ZNF626: variants seen among roughly 807,000 people sequenced by gnomAD.
The protein encoded by ZNF626 is CTC-513N18.7.
Under a neutral mutation model 11.7 loss-of-function variants are expected in ZNF626, and 4 were observed. The ratio of observed to expected loss-of-function variants is 0.34; its 90% CI spans 0.17 to 0.78. The LOEUF is 0.78. Among genes scored for constraint, ZNF626 ranks in the 30% least tolerant of loss-of-function variants. The pLI is 0.57. For missense variants in ZNF626, 588 were observed against 587.1 expected (o/e 1.00, Z -0.01); for synonymous variants, 179 against 198.6 (o/e 0.90, Z 0.83).
At chr19:20,649,976 A>G (rs189401623) in intron 1 of ZNF626, among the ~76,000 whole-genome samples, 2 of 152,356 alleles carry the variant, frequency 1.3e-5, no homozygotes, top group East Asian at 1.9e-4. Context: ...CTGGTTCTTT[A>G]AAGTTTACAG....
intron 1 of ZNF626, among the ~76,000 whole-genome samples, chr19:20,650,600 G>A (rs1555772493): frequency 6.6e-6 from 1 of 152,166 alleles, no homozygotes; most frequent in Non-Finnish European, 1.5e-5. Context: ...AGACTCCAGG[G>A]TAGGGTCAGA....
In ZNF626 at chr19:20,620,261, A is replaced by C. The variant is rs1314157602; in HGVS notation, c.*4029T>G. ...ATTTTATATTAATAAATTCCATACA[A>C]AGCAGAAAGTATACATTTGCTTTCA... On this transcript the variant is annotated 3_prime_UTR_variant, in exon 4 of 4. Transcript: ENST00000601440. 1 of 152,178 alleles carries C rather than the reference A, an allele frequency of 6.6e-6. No homozygotes were observed. Among genetic ancestry groups the C allele is most frequent in the Non-Finnish European group, 1.5e-5 (1 of 68,038 alleles). 9.4% of individuals were successfully genotyped at this position (152,178 alleles called of 1,614,324 possible).
In ZNF626 at chr19:20,623,928, C is replaced by A; in HGVS notation, c.*362G>T. ...AGTTCCTTAAAAAATCTGTCACATTCTTTATATTTGTAGAGTTTATATTTC... is the reference window on the plus strand; with the variant it reads ...AGTTCCTTAAAAAATCTGTCACATTATTTATATTTGTAGAGTTTATATTTC... On this transcript the variant is annotated 3_prime_UTR_variant, in exon 4 of 4. Transcript: ENST00000601440. 2.7e-6 allele frequency: 1 copy of A among 375,850 alleles called. No homozygotes were observed. The allele number at this position is 375,850 out of a possible 1,614,324, so 23.3% of individuals were successfully genotyped here.
At chr19:20,656,773 T>C (rs372673783) in intron 1 of ZNF626, among the ~76,000 whole-genome samples, 1 of 151,704 alleles carries the variant, frequency 6.6e-6, no homozygotes, top group African/African-American at 2.4e-5. Flanking sequence ...AGAATGGCTG[T>C]TTTTCATAAG....
chr19:20,624,898 T>C lies in ZNF626; in HGVS notation c.979A>G (p.Thr327Ala), dbSNP rs1969805695. 1 of 1,613,690 alleles carries C rather than the reference T, an allele frequency of 6.2e-7. No individual in the cohort carries two copies. The highest frequency in any genetic ancestry group is 8.5e-7 in the Non-Finnish European group (1 of 1,179,928). ...ECDKAFKYSYTLTTHKRIHTE... is the reference protein window; with the variant it reads ...ECDKAFKYSYALTTHKRIHTE... ...TGAATTCTTTTATGTGTAGTAAGGG[T>C]ATAGGAGTACTTAAAGGCTTTGTCA... Residue 327 changes from threonine to alanine, a missense_variant, in exon 4 of 4, where the codon ACC becomes GCC. Coordinates refer to ENST00000601440, the MANE Select transcript of ZNF626 (RefSeq NM_001076675.3).
At chr19:20,645,315 G>GAA (rs1970063817) in intron 3 of ZNF626, 1 of 1,550,734 alleles carries the variant, frequency 6.4e-7, no homozygotes, top group Admixed American at 2.3e-5. Context: ...AGAACTTTGA[G>GAA]AGTAATTTTA....
chr19:20,635,032 T>C (rs1555770795), intron 3 of ZNF626, among the ~76,000 whole-genome samples: 1 of 152,178 alleles, frequency 6.6e-6, no homozygotes, highest in Admixed American at 6.5e-5. Context: ...ATTCAGTAGG[T>C]AGAAAAATAC....
intron 1 of ZNF626, among the ~76,000 whole-genome samples, chr19:20,658,590 TG>T (rs1970230637): frequency 6.6e-6 from 1 of 152,206 alleles, no homozygotes; most frequent in African/African-American, 2.4e-5. Context: ...TGTGACAGCC[TG>T]TGTACAGGAG....
chr19:20,655,087 C>T (rs561827308), intron 1 of ZNF626, among the ~76,000 whole-genome samples: 1 of 147,654 alleles, frequency 6.8e-6, no homozygotes, highest in Non-Finnish European at 1.5e-5. Flanking sequence ...ACTCCAGCCT[C>T]GGCAACAGAG....
rs1969757800 is a variant in ZNF626 at position 20,621,509 on chromosome 19, T to C, written c.*2781A>G. On this transcript the variant is annotated 3_prime_UTR_variant, in exon 4 of 4. Coordinates refer to ENST00000601440, the MANE Select transcript of ZNF626 (RefSeq NM_001076675.3). ...TACAATTTAATTGGACATTTAAAAG[T>C]AACTAAAAGTGTATAATTACACTGT... 1 of 152,176 alleles carries C rather than the reference T, an allele frequency of 6.6e-6. No individual in the cohort carries two copies. The highest frequency in any genetic ancestry group is 6.5e-5 in the Admixed American group (1 of 15,274). The allele number at this position is 152,176 out of a possible 1,614,324, so 9.4% of individuals were successfully genotyped here. A position where few individuals can be genotyped will look rare whatever the true frequency, so the allele number is the denominator to read the frequency against.
Position 20,641,924 on chromosome 19 carries a change from TA to T in ZNF626, c.226+3759del, listed in dbSNP as rs10663928. On this transcript the variant is annotated intron_variant, in intron 3 of 3. Coordinates refer to ENST00000601440, the MANE Select transcript of ZNF626 (RefSeq NM_001076675.3). ...TGTTACGTGTTTTTAAAACAATGTTTAAAAAAAAAAACTGAAAAAAATCCAG... is the reference window on the plus strand; with the variant it reads ...TGTTACGTGTTTTTAAAACAATGTTTAAAAAAAAAACTGAAAAAAATCCAG... Among the ~76,000 whole-genome samples, 901 of 147,812 alleles carry T rather than the reference TA, an allele frequency of 6.1e-3. 10 individuals carry two copies. Among genetic ancestry groups the T allele is most frequent in the African/African-American group, 0.021 (837 of 40,478 alleles).
chr19:20,660,561 G>T (rs1970255053), intron 1 of ZNF626, among the ~76,000 whole-genome samples: 1 of 152,084 alleles, frequency 6.6e-6, no homozygotes, highest in Non-Finnish European at 1.5e-5. Context: ...CAAGTGGCTG[G>T]TACTACAGGC....
rs1287583091 is a variant in ZNF626, at chr19:20,620,043, C to T, written c.*4247G>A. On this transcript the variant is annotated 3_prime_UTR_variant, in exon 4 of 4. Transcript: ENST00000601440. Reference sequence around the variant, plus strand: ...GTGTCATTTTATACATTCACACACACATAGAACAATAAAAATGTATCCAAT... The same window carrying T: ...GTGTCATTTTATACATTCACACACATATAGAACAATAAAAATGTATCCAAT... 3.3e-5 allele frequency: 5 copies of T among 152,020 alleles called. No homozygotes were observed. The highest frequency in any genetic ancestry group is 1.2e-4 in the African/African-American group (5 of 41,378). The allele number at this position is 152,020 out of a possible 1,614,324, so 9.4% of individuals were successfully genotyped here.
intron 1 of ZNF626, among the ~76,000 whole-genome samples, chr19:20,647,412 AAT>A (rs1555772023): frequency 2.0e-5 from 3 of 152,284 alleles, no homozygotes; most frequent in African/African-American, 4.8e-5. Flanking sequence ...TAGTGAAAAA[AAT>A]ATGTCCCAGA....
At chr19:20,642,325 C>A (rs548107552) in intron 3 of ZNF626, among the ~76,000 whole-genome samples, 50 of 152,268 alleles carry the variant, frequency 3.3e-4, no homozygotes, top group African/African-American at 1.1e-3. Context: ...TGAGACCAGG[C>A]GCAGTGGCTC....
At chr19:20,625,721 T>C in intron 3 of ZNF626, 71 bp from the exon 4 acceptor site, 1 of 1,426,620 alleles carries the variant, frequency 7.0e-7, no homozygotes, top group Non-Finnish European at 9.3e-7. Context: ...TATATGCAGT[T>C]TGTATAGTTT....
Position 20,623,515 on chromosome 19 carries a change from G to A in ZNF626, c.*775C>T, listed in dbSNP as rs1342651400. Reference sequence around the variant, plus strand: ...CCATGTCTCTTAATAGTAAGAACTTGTGGCCAGGCATGGTGGCTCATGCCT... The same window carrying A: ...CCATGTCTCTTAATAGTAAGAACTTATGGCCAGGCATGGTGGCTCATGCCT... On this transcript the variant is annotated 3_prime_UTR_variant, in exon 4 of 4. Transcript: ENST00000601440. The A allele has an allele frequency of 6.5e-6, 1 of 154,794 alleles. No individual in the cohort carries two copies. Among genetic ancestry groups the A allele is most frequent in the Non-Finnish European group, 1.4e-5 (1 of 69,774 alleles). 9.6% of individuals were successfully genotyped at this position (154,794 alleles called of 1,614,324 possible).
chr19:20,651,314 T>G (rs1970143948), intron 1 of ZNF626, among the ~76,000 whole-genome samples: 1 of 151,850 alleles, frequency 6.6e-6, no homozygotes, highest in Admixed American at 6.6e-5. Context: ...ACATATCTAT[T>G]TGTTATACCA....
Position 20,624,966 on chromosome 19 carries a change from T to G in ZNF626, c.911A>C (p.Lys304Thr), listed in dbSNP as rs563154795. 38 of 1,613,874 alleles carry G rather than the reference T, an allele frequency of 2.4e-5. No individual in the cohort carries two copies. In the Admixed American group the frequency reaches 5.2e-4, roughly 22 times the overall value. The change falls in exon 4 of 4, where the codon AAG (lysine) becomes ACG (threonine). Residue 304 changes from lysine to threonine, a missense_variant. Physicochemically the swap from Lys to Thr is moderately conservative, Grantham distance 78. Around this residue, in one of 4 missense-constraint regions of ZNF626, gnomAD observed 524 missense variants for 470.1 expected, o/e 1.11. Transcript: ENST00000601440. ...FNRSSTLTTH[K>T]IIHTGEKPYK... ...GGGTTTTTCTCCAGTATGAATTATC[T>G]TATGTGTAGTAAGGGTTGAGGACCG...
Sources: gnomAD v4.1 joint callset for allele counts (sites outside exome capture counted in the v4.1 genomes callset) on GRCh38, gnomAD v4.1.1 for gene constraint, gnomAD v4.1.1 regional missense constraint, MANE v1.5 for transcripts, NCBI Gene and HGNC (gene_info 2026-07-23, HGNC 2026-07-21) for gene names.